The following RAB40C variants were observed in gnomAD, a reference collection of about 807,000 sequenced individuals.
RAB40C encodes the protein ras-related protein Rab-40C.
RAB40C carries 8 observed loss-of-function variants against 28.1 expected under a neutral mutation model. That is an observed-to-expected ratio of 0.28 (90% CI 0.17 to 0.51). The LOEUF is 0.51. RAB40C is among the 20% of genes least tolerant of loss of function. The pLI, the probability that RAB40C is intolerant of heterozygous loss-of-function variation, is 0.97. For missense variants in RAB40C, 288 were observed against 405.9 expected (o/e 0.71, Z 2.50); for synonymous variants, 201 against 171.7 (o/e 1.17, Z -1.34).
At chr16:620,661 C>T (rs1399718242) in intron 3 of RAB40C, among the ~76,000 whole-genome samples, 1 of 110,952 alleles carries the variant, frequency 9.0e-6, no homozygotes, top group Non-Finnish European at 1.9e-5. Flanking sequence ...AGCCCCCCCC[C>T]GACGGGCTCC....
chr16:625,207 T>G, intron 3 of RAB40C: 2 of 1,422,114 alleles, frequency 1.4e-6, no homozygotes, highest in Non-Finnish European at 1.9e-6. Flanking sequence ...TCTGACACCA[T>G]GGAAGGCGCC....
At chr16:620,370 G>A (rs1327950911) in intron 3 of RAB40C, among the ~76,000 whole-genome samples, 5 of 147,812 alleles carry the variant, frequency 3.4e-5, no homozygotes. Context: ...GCCAACCTGG[G>A]CGACGAGTGA....
Position 610,690 on chromosome 16 carries a change from C to G in RAB40C, c.143-6518C>G, listed in dbSNP as rs917244561. On this transcript the variant is annotated intron_variant, in intron 1 of 5. Coordinates refer to ENST00000248139, the MANE Select transcript of RAB40C (RefSeq NM_021168.5). The surrounding 1 kb of genome is among the most constrained non-coding windows in gnomAD (Gnocchi z 4.6). ...GCCGTCCCCCAGCGCGGGCTCCAGGCCTCTCCTGGGTCACTGCTCTGTGCC... is the reference window on the plus strand; with the variant it reads ...GCCGTCCCCCAGCGCGGGCTCCAGGGCTCTCCTGGGTCACTGCTCTGTGCC... Among the ~76,000 whole-genome samples, 2 of 152,086 alleles carry G rather than the reference C, an allele frequency of 1.3e-5. No homozygotes were observed. The highest frequency in any genetic ancestry group is 4.8e-5 in the African/African-American group (2 of 41,408).
intron 1 of RAB40C, among the ~76,000 whole-genome samples, chr16:611,915 C>CCCTGG (rs1438287768): frequency 2.5e-5 from 1 of 39,374 alleles, no homozygotes; most frequent in Non-Finnish European, 4.5e-5. Flanking sequence ...GGGACAGCCG[C>CCCTGG]CCTGGCCTGT....
intron 3 of RAB40C, among the ~76,000 whole-genome samples, chr16:623,087 G>T (rs1290556581): frequency 1.3e-5 from 2 of 152,226 alleles, no homozygotes; most frequent in African/African-American, 4.8e-5. Context: ...GCCATCCCAG[G>T]AAGTGGGGGC....
At chr16:597,103 G>T (rs897090697) in intron 1 of RAB40C, among the ~76,000 whole-genome samples, 1 of 152,124 alleles carries the variant, frequency 6.6e-6, no homozygotes, top group Admixed American at 6.5e-5. Flanking sequence ...TAGGTAGCAG[G>T]GGGAGGTGGT....
intron 3 of RAB40C, among the ~76,000 whole-genome samples, chr16:621,313 A>G (rs1596415092): frequency 6.6e-6 from 1 of 152,294 alleles, no homozygotes; most frequent in South Asian, 2.1e-4. Context: ...CGAGGTGCAG[A>G]GCCCAGGTTT....
intron 1 of RAB40C, among the ~76,000 whole-genome samples, chr16:593,447 C>T (rs1428526433): frequency 1.3e-5 from 2 of 152,248 alleles, no homozygotes; most frequent in Non-Finnish European, 2.9e-5. Context: ...TTCCAGCTTC[C>T]GTGTTTCTTC....
At chr16:598,738 C>G (rs951485655) in intron 1 of RAB40C, among the ~76,000 whole-genome samples, 1 of 151,644 alleles carries the variant, frequency 6.6e-6, no homozygotes, top group East Asian at 1.9e-4. Context: ...GAGACCCTGT[C>G]TCAAAAAATA....
At position 614,341 on chromosome 16, in the gene RAB40C, G is replaced by A. The variant is rs79629296; in HGVS notation, c.143-2867G>A. 7.1e-4 allele frequency among the ~76,000 whole-genome samples: 65 copies of A among 92,000 alleles called. 4 individuals carry two copies. The highest frequency in any genetic ancestry group is 3.8e-3 in the East Asian group (15 of 3,968). The allele number at this position is 92,000 out of a possible 152,430, so 60.4% of individuals were successfully genotyped here. On this transcript the variant is annotated intron_variant, in intron 1 of 5. Transcript: ENST00000248139. ...CCGATGGTGAACTGCTAACTCTGCC[G>A]CATCCCGATGGTGAACTGCCAAACT...
chr16:618,300 T>C, intron 3 of RAB40C, 40 bp downstream of exon 3: 1 of 1,550,554 alleles, frequency 6.4e-7, no homozygotes, highest in Non-Finnish European at 8.8e-7. Context: ...TTTCAAAGGA[T>C]GTTTCTCCTG....
At chr16:625,374 G>T in intron 3 of RAB40C, 58 bp from the exon 4 acceptor site, 1 of 1,588,182 alleles carries the variant, frequency 6.3e-7, no homozygotes, top group Admixed American at 1.7e-5. Flanking sequence ...AGCGTCCCTG[G>T]GCCTGGGCTG....
chr16:598,952 C>T (rs901437184), intron 1 of RAB40C, among the ~76,000 whole-genome samples: 3 of 152,182 alleles, frequency 2.0e-5, no homozygotes, highest in Non-Finnish European at 2.9e-5. Flanking sequence ...CTTTCCCTGC[C>T]CGGGGCCGGC....
At chr16:598,517 T>C (rs1026391203) in intron 1 of RAB40C, among the ~76,000 whole-genome samples, 2 of 144,420 alleles carry the variant, frequency 1.4e-5, no homozygotes, top group African/African-American at 2.6e-5. Context: ...GCTGAGATTG[T>C]GCCACTGCAC....
At chr16:592,066 T>C (rs2036012044) in intron 1 of RAB40C, among the ~76,000 whole-genome samples, 1 of 152,224 alleles carries the variant, frequency 6.6e-6, no homozygotes, top group African/African-American at 2.4e-5. Context: ...GAATGGGATG[T>C]GGCCCCAGAT....
chr16:614,030 ACT>A (rs1213675621), intron 1 of RAB40C, among the ~76,000 whole-genome samples: 2 of 151,730 alleles, frequency 1.3e-5, no homozygotes, highest in Admixed American at 1.3e-4. Flanking sequence ...GAACTGCCTA[ACT>A]CTACCGCGTC....
chr16:623,939 A>T (rs956032940), intron 3 of RAB40C: 3 of 985,274 alleles, frequency 3.0e-6, no homozygotes, highest in Non-Finnish European at 3.6e-6. Flanking sequence ...CTGTTTCAAA[A>T]AAAAAGAAAA....
intron 3 of RAB40C, chr16:624,171 G>A (rs2036778880): frequency 2.0e-6 from 2 of 985,422 alleles, no homozygotes; most frequent in Non-Finnish European, 2.4e-6. Flanking sequence ...AGTTACTTCT[G>A]AGTTGTGGGC....
At position 623,124 on chromosome 16, in the gene RAB40C, T is replaced by TGGCCAG. The variant is rs1245562397; in HGVS notation, c.265-2303_265-2298dup. ...CGCTCAGGGCAGCAGCCGGGAGGTG[T>TGGCCAG]GGCCAGGGCCCCCCGCGTCACAGCA... On this transcript the variant is annotated intron_variant, in intron 3 of 5. Transcript: ENST00000248139. Among the ~76,000 whole-genome samples the TGGCCAG allele has an allele frequency of 8.5e-5, 13 of 152,222 alleles. No individual in the cohort carries two copies. In the East Asian group the frequency reaches 2.5e-3, roughly 29 times the overall value.
Sources: gnomAD v4.1 joint callset for allele counts (sites outside exome capture counted in the v4.1 genomes callset) on GRCh38, gnomAD v4.1.1 for gene constraint, Gnocchi (gnomAD v3.1) non-coding constraint, MANE v1.5 for transcripts, NCBI Gene and HGNC (gene_info 2026-07-23, HGNC 2026-07-21) for gene names.